Variants in SGSM1 observed in about 807,000 individuals in gnomAD.
The protein encoded by SGSM1 is RUN and TBC1 domain containing 2.
Under a neutral mutation model 133.8 loss-of-function variants are expected in SGSM1, and 73 were observed. The observed-to-expected ratio is 0.55, with a 90% CI of 0.45 to 0.66. The LOEUF (loss-of-function observed/expected upper bound fraction) is 0.66, where lower values mean the gene tolerates loss of function less well. Among genes scored for constraint, SGSM1 ranks in the 30% least tolerant of loss-of-function variants. SGSM1 has a pLI of 0.00. For synonymous variants in SGSM1, 563 were observed against 573.0 expected (o/e 0.98, Z 0.25); for missense variants, 1,213 against 1,448.1 (o/e 0.84, Z 2.64).
chr22:24,839,632 G>C (rs886796611), intron 2 of SGSM1, among the ~76,000 whole-genome samples: 1 of 152,112 alleles, frequency 6.6e-6, no homozygotes, highest in Non-Finnish European at 1.5e-5. Flanking sequence ...CATTATTGGA[G>C]GGTTTTAACT....
intron 8 of SGSM1, among the ~76,000 whole-genome samples, chr22:24,858,197 C>T (rs1930919396): frequency 6.6e-6 from 1 of 152,152 alleles, no homozygotes; most frequent in South Asian, 2.1e-4. Flanking sequence ...CCAGGCTGAT[C>T]TAAAACTCCT....
intron 24 of SGSM1, among the ~76,000 whole-genome samples, chr22:24,920,337 GGAGGGTTGA>G (rs1933960636): frequency 6.6e-6 from 1 of 152,160 alleles, no homozygotes; most frequent in Admixed American, 6.5e-5. Context: ...TGTCTGCTTT[GGAGGGTTGA>G]CATGCATAGG....
chr22:24,826,804 G>T (rs530276392), intron 2 of SGSM1, among the ~76,000 whole-genome samples: 1 of 152,070 alleles, frequency 6.6e-6, no homozygotes, highest in Non-Finnish European at 1.5e-5. Context: ...CTCTTTTCCA[G>T]CCCTCATGGT....
intron 16 of SGSM1, among the ~76,000 whole-genome samples, chr22:24,887,523 A>G (rs1298041946): frequency 6.6e-6 from 1 of 152,154 alleles, no homozygotes; most frequent in African/African-American, 2.4e-5. Context: ...TTTGGCTGTT[A>G]CAAATCAAGC....
chr22:24,910,900 G>A (rs1342636445), intron 21 of SGSM1, among the ~76,000 whole-genome samples: 1 of 151,988 alleles, frequency 6.6e-6, no homozygotes, highest in Non-Finnish European at 1.5e-5. Context: ...AGCCAAGATC[G>A]TGCCACTGCA....
chr22:24,890,733 G>A (rs991780649), intron 16 of SGSM1, among the ~76,000 whole-genome samples: 9 of 151,892 alleles, frequency 5.9e-5, no homozygotes, highest in African/African-American at 1.5e-4. Flanking sequence ...TAGTAGAGGC[G>A]GGGTTTCACT....
At position 24,927,039 on chromosome 22, in the gene SGSM1, T is replaced by C. The variant is rs918510182; in HGVS notation, c.*2765T>C. On this transcript the variant is annotated 3_prime_UTR_variant, in exon 25 of 25. Transcript: ENST00000400358. ...AGCTGGCTCTTACCACAAGTAATGC[T>C]GCATTACAAATGACCCAAAAAGTAG... 1.3e-5 allele frequency: 2 copies of C among 152,198 alleles called. No individual in the cohort carries two copies. The highest frequency in any genetic ancestry group is 4.8e-5 in the African/African-American group (2 of 41,450). 9.4% of individuals were successfully genotyped at this position (152,198 alleles called of 1,614,324 possible).
At chr22:24,859,573 G>C (rs9624629) in intron 8 of SGSM1, 143 bp from the exon 9 acceptor site, 4 of 1,153,924 alleles carry the variant, frequency 3.5e-6, no homozygotes, top group Admixed American at 2.0e-5. Context: ...GGAGGCTTTA[G>C]AGTCTTCCAC....
intron 21 of SGSM1, among the ~76,000 whole-genome samples, chr22:24,911,289 CT>C (rs139761): frequency 0.065 from 8,316 of 128,396 alleles, 494 homozygotes; most frequent in African/African-American, 0.2. Context: ...TAATTCCCCA[CT>C]TTTTTTTTTT....
At chr22:24,807,288 C>T (rs1461220950) in intron 2 of SGSM1, among the ~76,000 whole-genome samples, 1 of 151,880 alleles carries the variant, frequency 6.6e-6, no homozygotes, top group African/African-American at 2.4e-5. Flanking sequence ...TGGGTGAGGA[C>T]CTGTGGCTGT....
At chr22:24,923,631 T>C (rs1934089813) in intron 24 of SGSM1, among the ~76,000 whole-genome samples, 1 of 151,268 alleles carries the variant, frequency 6.6e-6, no homozygotes, top group South Asian at 2.1e-4. Flanking sequence ...TTTATTTTTA[T>C]TTTTTTTTGA....
chr22:24,882,993 G>A (rs1384534402), intron 14 of SGSM1, among the ~76,000 whole-genome samples: 2 of 151,828 alleles, frequency 1.3e-5, no homozygotes, highest in Non-Finnish European at 1.5e-5. Context: ...CGCCTCCTGG[G>A]TTCACGCCAT....
In SGSM1 at chr22:24,893,442, G is replaced by C. The variant is rs1283177675; in HGVS notation, c.1782G>C (p.Gln594His). Residue 594 changes from glutamine (Q) to histidine (H), a missense_variant, in exon 17 of 25, where the codon CAG becomes CAC. Coordinates refer to ENST00000400358, the MANE Select transcript of SGSM1 (RefSeq NM_001098497.3). The part of the protein sequence containing the change: ...TETERKEVDE[Q>H]IHACYAQTMA... ...ATCTGCCCTGGCAGGTGGACGAGCA[G>C]ATTCATGCCTGCTATGCACAGACCA... The C allele has an allele frequency of 6.2e-7, 1 of 1,613,646 alleles. No individual in the cohort carries two copies. The highest frequency in any genetic ancestry group is 8.5e-7 in the Non-Finnish European group (1 of 1,179,796).
intron 16 of SGSM1, among the ~76,000 whole-genome samples, chr22:24,889,982 A>T (rs2123685996): frequency 7.7e-6 from 1 of 129,916 alleles, no homozygotes; most frequent in South Asian, 2.5e-4. Flanking sequence ...TTTGAGACGG[A>T]GTCTTGCTCT....
rs759488017 is a variant in SGSM1, at chr22:24,847,663, C to T, written c.169C>T (p.Leu57Phe). The change falls in exon 4 of 25, where the codon CTT (leucine) becomes TTT (phenylalanine). Residue 57 changes from leucine (L) to phenylalanine (F), a missense_variant. Physicochemically the swap from Leu to Phe is conservative, Grantham distance 22. Transcript: ENST00000400358. The stretch of plus-strand genomic sequence containing the variant: ...TGTGGAGGCCTGCGTTCTGCACGGG[C>T]TTCGGCGGCGGGCGGCTGGCTTCCT... ...AAVEACVLHG[L>F]RRRAAGFLRS... 3 of 1,613,718 alleles carry T rather than the reference C, an allele frequency of 1.9e-6. No homozygotes were observed. Among genetic ancestry groups the T allele is most frequent in the Admixed American group, 1.7e-5 (1 of 60,014 alleles).
chr22:24,922,537 G>A (rs1001449141), intron 24 of SGSM1, among the ~76,000 whole-genome samples: 33 of 148,354 alleles, frequency 2.2e-4, no homozygotes, highest in Admixed American at 1.4e-3. Flanking sequence ...GTGCAGTGGC[G>A]CGATCTCGAC....
Position 24,921,186 on chromosome 22 carries a change from G to A in SGSM1, c.3193+1193G>A, listed in dbSNP as rs1216418457. Among the ~76,000 whole-genome samples, 3 of 151,244 alleles carry A rather than the reference G, an allele frequency of 2.0e-5. No homozygotes were observed. In the East Asian group the frequency reaches 5.8e-4, roughly 29 times the overall value. ...ACGATCTCAGCTCACTGCAACCTCCGCCTCCCAGGTTCAAGTGATTCTCCC... is the reference window on the plus strand; with the variant it reads ...ACGATCTCAGCTCACTGCAACCTCCACCTCCCAGGTTCAAGTGATTCTCCC... On this transcript the variant is annotated intron_variant, in intron 24 of 24. Coordinates refer to ENST00000400358, the MANE Select transcript of SGSM1 (RefSeq NM_001098497.3).
chr22:24,901,183 A>G (rs1031484828), intron 19 of SGSM1: 2 of 152,218 alleles, frequency 1.3e-5, no homozygotes, highest in African/African-American at 4.8e-5. Context: ...CATGAGGTGA[A>G]CTGTGGATGA....
intron 5 of SGSM1, among the ~76,000 whole-genome samples, chr22:24,851,271 T>C (rs557034193): frequency 5.9e-5 from 9 of 152,238 alleles, no homozygotes; most frequent in Non-Finnish European, 8.8e-5. Flanking sequence ...GGACCTGCTG[T>C]GTACTGGCAT....
Sources: gnomAD v4.1 joint callset for allele counts (sites outside exome capture counted in the v4.1 genomes callset) on GRCh38, gnomAD v4.1.1 for gene constraint, MANE v1.5 for transcripts, NCBI Gene and HGNC (gene_info 2026-07-23, HGNC 2026-07-21) for gene names.